Variants in TFPI observed in about 807,000 individuals in gnomAD.
TFPI encodes anti-convertin.
In TFPI, 15 loss-of-function variants were observed where a neutral mutation model predicts 34.6. The observed-to-expected ratio is 0.43, with a 90% CI of 0.29 to 0.67. The LOEUF is 0.67. Among genes scored for constraint, TFPI ranks in the 30% least tolerant of loss-of-function variants. The pLI is 0.15. For missense variants in TFPI, 301 were observed against 364.0 expected, an observed-to-expected ratio of 0.83 and a Z score of 1.41; for synonymous variants, 105 against 120.1, an observed-to-expected ratio of 0.87 and a Z score of 0.82.
At chr2:187,519,140 C>A (rs1250244975) in intron 1 of TFPI, 1 of 152,180 alleles carries the variant, frequency 6.6e-6, no homozygotes, top group East Asian at 1.9e-4. Context: ...AAGCCTACTT[C>A]TGTCAATTCA....
At chr2:187,500,333 TTAAG>T (rs751046806) in intron 2 of TFPI, among the ~76,000 whole-genome samples, 18 of 152,216 alleles carry the variant, frequency 1.2e-4, no homozygotes, top group Middle Eastern at 3.4e-3. Context: ...CTTTCAGAAA[TTAAG>T]TAAATAACTT....
intron 1 of TFPI, among the ~76,000 whole-genome samples, chr2:187,528,574 A>G (rs1436048247): frequency 6.6e-6 from 1 of 152,172 alleles, no homozygotes; most frequent in Non-Finnish European, 1.5e-5. Context: ...TGTAGATGCC[A>G]TTTTATTACT....
chr2:187,517,053 G>A (rs1042587217), intron 1 of TFPI: 2 of 152,154 alleles, frequency 1.3e-5, no homozygotes, highest in Non-Finnish European at 2.9e-5. Flanking sequence ...CTGAGGAGGA[G>A]TTTTGTCTGT....
chr2:187,477,922 C>A (rs1012010228), intron 6 of TFPI, among the ~76,000 whole-genome samples: 1 of 152,124 alleles, frequency 6.6e-6, no homozygotes, highest in Non-Finnish European at 1.5e-5. Context: ...TTCCCTGGAC[C>A]TGGAGGCTGG....
At chr2:187,481,664 G>A (rs1057347819) in intron 6 of TFPI, among the ~76,000 whole-genome samples, 3 of 151,568 alleles carry the variant, frequency 2.0e-5, no homozygotes, top group African/African-American at 7.3e-5. Context: ...GGGAGGGGAG[G>A]GGCGGGGAAG....
chr2:187,521,133 CT>C (rs1235055028), intron 1 of TFPI, among the ~76,000 whole-genome samples: 1 of 151,880 alleles, frequency 6.6e-6, no homozygotes, highest in Non-Finnish European at 1.5e-5. Flanking sequence ...TTTAGGCCTT[CT>C]TTTTGGCAGA....
At chr2:187,524,012 G>A (rs780362241) in intron 1 of TFPI, among the ~76,000 whole-genome samples, 3 of 152,054 alleles carry the variant, frequency 2.0e-5, no homozygotes, top group Middle Eastern at 3.4e-3. Context: ...ATAATATCTG[G>A]CCTACTATGT....
At chr2:187,506,721 A>G (rs1442176126) in intron 1 of TFPI, among the ~76,000 whole-genome samples, 3 of 152,236 alleles carry the variant, frequency 2.0e-5, no homozygotes, top group African/African-American at 7.2e-5. Flanking sequence ...TAATTAGACC[A>G]GGGTTATGGG....
chr2:187,551,528 A>G (rs923038514), intron 1 of TFPI, among the ~76,000 whole-genome samples: 1 of 152,128 alleles, frequency 6.6e-6, no homozygotes, highest in Non-Finnish European at 1.5e-5. Context: ...TGACACTTGG[A>G]GAAGTGAAGA....
intron 1 of TFPI, among the ~76,000 whole-genome samples, chr2:187,543,588 A>G (rs1380103341): frequency 2.6e-5 from 4 of 152,238 alleles, no homozygotes; most frequent in Non-Finnish European, 2.9e-5. Context: ...ATTCTCTGCT[A>G]CATTAGAGAG....
At chr2:187,479,458 A>AT (rs548522122) in intron 6 of TFPI, among the ~76,000 whole-genome samples, 37 of 148,242 alleles carry the variant, frequency 2.5e-4, no homozygotes, top group African/African-American at 8.7e-4. Context: ...TCTGATATCT[A>AT]TTTATTTATC....
intron 1 of TFPI, chr2:187,519,752 C>G (rs867645646): frequency 1.3e-5 from 2 of 152,354 alleles, no homozygotes; most frequent in Middle Eastern, 3.1e-3. Context: ...CCACAGCCTC[C>G]CCTTTCCCCA....
At chr2:187,501,563 A>G (rs1189114903) in intron 2 of TFPI, among the ~76,000 whole-genome samples, 1 of 152,056 alleles carries the variant, frequency 6.6e-6, no homozygotes, top group Non-Finnish European at 1.5e-5. Context: ...AATGTGCCAG[A>G]TGCTTTTCCA....
At chr2:187,478,740 T>C in intron 6 of TFPI, 1 of 1,613,810 alleles carries the variant, frequency 6.2e-7, no homozygotes, top group Non-Finnish European at 8.5e-7. Context: ...GCAGAAGGCG[T>C]TCAGAAAGAC....
chr2:187,514,702 A>G (rs188549481), intron 1 of TFPI: 3 of 152,318 alleles, frequency 2.0e-5, no homozygotes, highest in Non-Finnish European at 4.4e-5. Flanking sequence ...CCAGTTGGCT[A>G]TCCCTTTCAC....
At chr2:187,467,267 ATTAG>A (rs1443335869) in intron 7 of TFPI, among the ~76,000 whole-genome samples, 2 of 151,984 alleles carry the variant, frequency 1.3e-5, no homozygotes, top group Non-Finnish European at 2.9e-5. Context: ...CATTTTTATT[ATTAG>A]TTCCTCTTCT....
At chr2:187,540,199 C>T (rs867762329) in intron 1 of TFPI, among the ~76,000 whole-genome samples, 5 of 152,032 alleles carry the variant, frequency 3.3e-5, no homozygotes, top group African/African-American at 9.7e-5. Context: ...CACCGCGCCC[C>T]GGCCACGTCA....
At position 187,541,721 on chromosome 2, in the gene TFPI, G is replaced by A. The variant is rs758199567; in HGVS notation, c.-3+12479C>T. The stretch of plus-strand genomic sequence containing the variant: ...AATATTAACTCATGTAATCCTCATA[G>A]TGACTATGAGGTGACTGTGAAGATT... On this transcript the variant is annotated intron_variant, in intron 1 of 7. Coordinates refer to ENST00000233156, the MANE Select transcript of TFPI (RefSeq NM_006287.6). Among the ~76,000 whole-genome samples the A allele has an allele frequency of 3.8e-4, 58 of 152,144 alleles. 1 individual carries two copies. Among genetic ancestry groups the A allele is most frequent in the Non-Finnish European group, 5.9e-5 (4 of 68,026 alleles).
Position 187,547,849 on chromosome 2 carries a change from C to T in TFPI, c.-3+6351G>A, listed in dbSNP as rs534735941. ...TCTTTCTTATCAAAGTCCTACCCAA[C>T]ACATGATCATATCATCAGAAATCAG... On this transcript the variant is annotated intron_variant, in intron 1 of 7. Coordinates refer to ENST00000233156, the MANE Select transcript of TFPI (RefSeq NM_006287.6). The T allele has an allele frequency of 2.6e-5, 4 of 152,252 alleles. No homozygotes were observed. In the South Asian group the frequency reaches 8.3e-4, roughly 32 times the overall value. The allele number at this position is 152,252 out of a possible 1,614,324, so 9.4% of individuals were successfully genotyped here.
Sources: gnomAD v4.1 joint callset for allele counts (sites outside exome capture counted in the v4.1 genomes callset) on GRCh38, gnomAD v4.1.1 for gene constraint, MANE v1.5 for transcripts, NCBI Gene and HGNC (gene_info 2026-07-23, HGNC 2026-07-21) for gene names.